The following CC2D2A variants were observed in gnomAD, a reference collection of about 807,000 sequenced individuals.
CC2D2A encodes coiled-coil and C2 domain-containing protein 2A.
A neutral mutation model predicts 212.9 loss-of-function variants in CC2D2A; 155 were observed. That is an observed-to-expected ratio of 0.73 (90% CI 0.64 to 0.83). The LOEUF (loss-of-function observed/expected upper bound fraction) is 0.83. Ranked by LOEUF, CC2D2A falls within the 40% of genes least tolerant of loss-of-function variation. The pLI is 0.00. For synonymous variants in CC2D2A, 667 were observed against 686.5 expected (o/e 0.97, Z 0.44); for missense variants, 1,856 against 1,956.2 (o/e 0.95, Z 0.97).
chr4:15,575,720 A>G (rs768027682), intron 29 of CC2D2A, among the ~76,000 whole-genome samples: 4 of 152,260 alleles, frequency 2.6e-5, no homozygotes, highest in Non-Finnish European at 5.9e-5. Flanking sequence ...GCATTTCAAA[A>G]TATTTTAGAA....
At chr4:15,591,926 T>C (rs1380855532) in intron 33 of CC2D2A, among the ~76,000 whole-genome samples, 1 of 152,242 alleles carries the variant, frequency 6.6e-6, no homozygotes, top group Non-Finnish European at 1.5e-5. Context: ...TTCTCTGAGA[T>C]GGGTAATAGT....
At chr4:15,543,137 C>A (rs1718546701) in intron 17 of CC2D2A, among the ~76,000 whole-genome samples, 1 of 152,050 alleles carries the variant, frequency 6.6e-6, no homozygotes. Context: ...AGGGGTGGTC[C>A]TCATTTACAA....
At chr4:15,575,367 C>T (rs1720356983) in intron 29 of CC2D2A, among the ~76,000 whole-genome samples, 1 of 152,196 alleles carries the variant, frequency 6.6e-6, no homozygotes, top group Non-Finnish European at 1.5e-5. Flanking sequence ...TGTACATATT[C>T]AGCATATATT....
rs188509247 is a variant in CC2D2A, at chr4:15,507,540, A to G, written c.439-2599A>G. Among the ~76,000 whole-genome samples, 509 of 152,312 alleles carry G rather than the reference A, an allele frequency of 3.3e-3. 3 individuals are homozygous for G. The highest frequency in any genetic ancestry group is 3.3e-3 in the Non-Finnish European group (222 of 68,024). ...ATATGCAAGACTGGAAGCACCAACT[A>G]TGTAGAGGCCAAGGGGACACTTCCT... On this transcript the variant is annotated intron_variant, in intron 6 of 36. Coordinates refer to ENST00000424120, the MANE Select transcript of CC2D2A (RefSeq NM_001378615.1).
At chr4:15,527,873 A>G (rs906428597) in intron 12 of CC2D2A, among the ~76,000 whole-genome samples, 2 of 152,180 alleles carry the variant, frequency 1.3e-5, no homozygotes, top group African/African-American at 4.8e-5. Context: ...CTCGCCCTAA[A>G]CAGAAGACTT....
chr4:15,569,541 T>A (rs376069556), intron 27 of CC2D2A, among the ~76,000 whole-genome samples, 152 bp downstream of exon 27: 15 of 152,290 alleles, frequency 9.8e-5, no homozygotes, highest in Middle Eastern at 3.4e-3. Flanking sequence ...GAGTCCACAG[T>A]GCAAAGCAAA....
At chr4:15,570,367 A>T (rs1720099380) in intron 27 of CC2D2A, 31 bp from the exon 28 acceptor site, 1 of 1,362,706 alleles carries the variant, frequency 7.3e-7, no homozygotes, top group African/African-American at 1.4e-5. Flanking sequence ...TGGAGTTCTT[A>T]AGCAATTATT....
rs201560787 is a variant in CC2D2A at position 15,579,937 on chromosome 4, C to T, written c.3772-31C>T. 8 of 1,551,160 alleles carry T rather than the reference C, an allele frequency of 5.2e-6. No individual in the cohort carries two copies. The Admixed American group carries it at 8.4e-5, about 16-fold the overall frequency. ...ACGTACTTTCTCTCTTGTAATCATA[C>T]ATAAACTCCATGAAGTCTTTCTTTT... On this transcript the variant is annotated intron_variant, in intron 29 of 36. Transcript: ENST00000424120.
chr4:15,510,384 A>G, intron 7 of CC2D2A, 144 bp downstream of exon 7: 1 of 671,692 alleles, frequency 1.5e-6, no homozygotes, highest in Non-Finnish European at 2.6e-6. Flanking sequence ...TATATTGAGC[A>G]CAGGAGTTCA....
At chr4:15,571,606 C>CAAA (rs11393258) in intron 28 of CC2D2A, among the ~76,000 whole-genome samples, 1,587 of 142,486 alleles carry the variant, frequency 0.011, 17 homozygotes, top group Non-Finnish European at 0.018. Context: ...CCGTTTAAAC[C>CAAA]AAAAAAAAAA....
chr4:15,596,067 T>A lies in CC2D2A; in HGVS notation c.4315-18T>A. ...ATACATGCTAACATATATGCTAATG[T>A]AGTCTTGTCTTTCTTAGATTTGGTT... On this transcript the variant is annotated intron_variant, in intron 33 of 36. Transcript: ENST00000424120. 6.5e-7 allele frequency: 1 copy of A among 1,533,292 alleles called. No homozygotes were observed. The highest frequency in any genetic ancestry group is 8.8e-7 in the Non-Finnish European group (1 of 1,134,146). The allele number at this position is 1,533,292 out of a possible 1,614,324, so 95.0% of individuals were successfully genotyped here.
intron 17 of CC2D2A, 97 bp from the exon 18 acceptor site, chr4:15,550,727 G>C: frequency 1.1e-6 from 1 of 870,320 alleles, no homozygotes; most frequent in East Asian, 2.7e-5. Flanking sequence ...GGCTGGAACA[G>C]TGACCAGCAC....
chr4:15,566,636 G>A (rs1001143545), intron 24 of CC2D2A, among the ~76,000 whole-genome samples: 1 of 152,132 alleles, frequency 6.6e-6, no homozygotes, highest in Non-Finnish European at 1.5e-5. Flanking sequence ...AAGGGAGAAT[G>A]TTTGTCACCA....
chr4:15,565,032 A>G (rs951769037), intron 24 of CC2D2A, among the ~76,000 whole-genome samples: 2 of 152,124 alleles, frequency 1.3e-5, no homozygotes, highest in African/African-American at 4.8e-5. Context: ...TCGTTAACCT[A>G]TTAGAGAGCA....
intron 4 of CC2D2A, 145 bp downstream of exon 4, chr4:15,480,972 A>C (rs1714603812): frequency 5.5e-6 from 5 of 906,320 alleles, no homozygotes; most frequent in Non-Finnish European, 6.6e-6. Context: ...TTGGTGAGTG[A>C]CTCTAGGTTA....
At chr4:15,512,216 T>C (rs1049015688) in intron 8 of CC2D2A, among the ~76,000 whole-genome samples, 2 of 152,222 alleles carry the variant, frequency 1.3e-5, no homozygotes, top group Non-Finnish European at 2.9e-5. Flanking sequence ...TCTGTGTATA[T>C]ATCCAAAAAC....
At chr4:15,531,161 TC>T (rs1408082655) in intron 13 of CC2D2A, among the ~76,000 whole-genome samples, 2 of 152,148 alleles carry the variant, frequency 1.3e-5, no homozygotes, top group Non-Finnish European at 2.9e-5. Context: ...CTCTCCCATT[TC>T]CAAACCATCC....
chr4:15,544,049 C>T (rs1488958877), intron 17 of CC2D2A: 1 of 152,178 alleles, frequency 6.6e-6, no homozygotes, highest in African/African-American at 2.4e-5. Context: ...AATCTGAATG[C>T]CTTGCTAGGG....
At chr4:15,600,917 A>AAAG (rs1553845809) in intron 36 of CC2D2A, among the ~76,000 whole-genome samples, 139 of 149,930 alleles carry the variant, frequency 9.3e-4, no homozygotes, top group African/African-American at 2.5e-3. Context: ...AAAAAAAAAA[A>AAAG]AAAAGAAAAA....
Sources: gnomAD v4.1 joint callset for allele counts (sites outside exome capture counted in the v4.1 genomes callset) on GRCh38, gnomAD v4.1.1 for gene constraint, MANE v1.5 for transcripts, NCBI Gene and HGNC (gene_info 2026-07-23, HGNC 2026-07-21) for gene names.